RBMS3: variants seen among roughly 807,000 people sequenced by gnomAD.
RBMS3 encodes the protein RNA binding motif single stranded interacting protein 3.
RBMS3 carries 27 observed loss-of-function variants against 66.8 expected under a neutral mutation model. The ratio of observed to expected loss-of-function variants is 0.40; its 90% CI spans 0.30 to 0.56. RBMS3 has a LOEUF of 0.56. Ranked by LOEUF, RBMS3 falls within the 20% of genes least tolerant of loss-of-function variation. The pLI, the probability that RBMS3 is intolerant of heterozygous loss-of-function variation, is 0.40. For synonymous variants in RBMS3, 188 were observed against 183.0 expected, an observed-to-expected ratio of 1.03 and a Z score of -0.22; for missense variants, 513 against 549.5, an observed-to-expected ratio of 0.93 and a Z score of 0.66.
chr3:29,574,963 G>A lies in RBMS3; in HGVS notation c.308-12151G>A, dbSNP rs1312939084. Among the ~76,000 whole-genome samples, 4 of 152,038 alleles carry A rather than the reference G, an allele frequency of 2.6e-5. No homozygotes were observed. In the South Asian group the frequency reaches 6.2e-4, roughly 24 times the overall value. The stretch of plus-strand genomic sequence containing the variant: ...TATTGTACTGTCTGTATCTTGAAAT[G>A]CAATTGTAGTTATTGTTTTTGATTG... On this transcript the variant is annotated intron_variant, in intron 3 of 14. Coordinates refer to ENST00000383767, the MANE Select transcript of RBMS3 (RefSeq NM_001003793.3).
intron 2 of RBMS3, among the ~76,000 whole-genome samples, chr3:29,453,307 C>A (rs1426446660): frequency 6.6e-6 from 1 of 152,086 alleles, no homozygotes; most frequent in Non-Finnish European, 1.5e-5. Flanking sequence ...AAGTAGATAC[C>A]ACTGGATTGG....
chr3:29,396,290 A>T (rs534050878), intron 1 of RBMS3, among the ~76,000 whole-genome samples: 78 of 152,328 alleles, frequency 5.1e-4, no homozygotes, highest in African/African-American at 1.6e-3. Context: ...CTATATTTTT[A>T]AAAAATGTCA....
intron 6 of RBMS3, among the ~76,000 whole-genome samples, chr3:29,770,476 T>C (rs1003200843): frequency 2.0e-5 from 3 of 151,936 alleles, no homozygotes; most frequent in Admixed American, 6.6e-5. Flanking sequence ...TGTCTGGAGT[T>C]TCCATTTGGT....
At chr3:29,687,693 C>A (rs546384009) in intron 4 of RBMS3, among the ~76,000 whole-genome samples, 1 of 152,132 alleles carries the variant, frequency 6.6e-6, no homozygotes, top group Non-Finnish European at 1.5e-5. Context: ...ACAGCAAAAA[C>A]ATTAATTTGA....
chr3:29,739,884 T>C lies in RBMS3; in HGVS notation c.557+7T>C. The C allele has an allele frequency of 6.4e-7, 1 of 1,555,898 alleles. No individual in the cohort carries two copies. Among genetic ancestry groups the C allele is most frequent in the Non-Finnish European group, 8.7e-7 (1 of 1,153,790 alleles). On this transcript the variant is annotated splice_region_variant and intron_variant, in intron 5 of 14. Coordinates refer to ENST00000383767, the MANE Select transcript of RBMS3 (RefSeq NM_001003793.3). Reference sequence around the variant, plus strand: ...GAGGTGTTGGCTTTGCCAGGTAAAATTCTTTCTTTGTATGTAATCGTTCTT... The same window carrying C: ...GAGGTGTTGGCTTTGCCAGGTAAAACTCTTTCTTTGTATGTAATCGTTCTT...
At chr3:29,799,838 A>C (rs910884782) in intron 6 of RBMS3, among the ~76,000 whole-genome samples, 1 of 152,128 alleles carries the variant, frequency 6.6e-6, no homozygotes, top group Non-Finnish European at 1.5e-5. Flanking sequence ...TCCTACAATG[A>C]TGGTATAAAG....
intron 3 of RBMS3, among the ~76,000 whole-genome samples, chr3:29,574,761 C>T (rs1321981455): frequency 6.6e-6 from 1 of 151,334 alleles, no homozygotes; most frequent in Non-Finnish European, 1.5e-5. Context: ...TACAGTGAGG[C>T]TTCCAAATAC....
At chr3:29,857,458 T>C (rs1407708234) in intron 6 of RBMS3, among the ~76,000 whole-genome samples, 1 of 151,268 alleles carries the variant, frequency 6.6e-6, no homozygotes, top group African/African-American at 2.4e-5. Flanking sequence ...CACCTGGGAT[T>C]ATGACTTGGA....
intron 4 of RBMS3, among the ~76,000 whole-genome samples, chr3:29,688,564 ATTTTTTTTTTTTTTTTTTTTTTTT>A (rs55943638): frequency 1.5e-5 from 1 of 67,118 alleles, no homozygotes; most frequent in Admixed American, 2.3e-4. Context: ...AAGTTACAGG[ATTTTTTTTTTTTTTTTTTTTTTTT>A]TTTTTTTTTT....
intron 1 of RBMS3, among the ~76,000 whole-genome samples, chr3:29,386,772 A>G (rs2039028725): frequency 2.0e-5 from 3 of 152,174 alleles, no homozygotes; most frequent in African/African-American, 7.2e-5. Flanking sequence ...GTCTCTACTC[A>G]CTGTTTCCAC....
At chr3:29,863,987 AATGT>A (rs1306343852) in intron 6 of RBMS3, among the ~76,000 whole-genome samples, 4 of 152,180 alleles carry the variant, frequency 2.6e-5, no homozygotes, top group Non-Finnish European at 5.9e-5. Flanking sequence ...GCCTTTTTGG[AATGT>A]AATTATAGAT....
intron 4 of RBMS3, among the ~76,000 whole-genome samples, chr3:29,608,905 C>T (rs561353978): frequency 2.0e-4 from 30 of 152,044 alleles, no homozygotes; most frequent in Non-Finnish European, 2.9e-4. Context: ...CAGAAGTCTT[C>T]TCTTATGTTA....
At position 29,550,111 on chromosome 3, in the gene RBMS3, T is replaced by C. The variant is rs990592163; in HGVS notation, c.308-37003T>C. Among the ~76,000 whole-genome samples the C allele has an allele frequency of 3.9e-5, 6 of 152,230 alleles. No homozygotes were observed. In the East Asian group the frequency reaches 9.6e-4, roughly 24 times the overall value. On this transcript the variant is annotated intron_variant, in intron 3 of 14. Transcript: ENST00000383767. ...TGAAGCTCTCAAATATCTGATCTCA[T>C]TCTTCCTTTCCAACATTAAGCTCCA...
chr3:29,415,232 C>T (rs759238185), intron 1 of RBMS3, among the ~76,000 whole-genome samples: 9 of 152,110 alleles, frequency 5.9e-5, no homozygotes, highest in Non-Finnish European at 1.3e-4. Flanking sequence ...CTGTAGATAC[C>T]GGCAATTTGG....
chr3:29,883,005 C>G (rs1475674321), intron 7 of RBMS3, among the ~76,000 whole-genome samples: 2 of 151,902 alleles, frequency 1.3e-5, no homozygotes, highest in Non-Finnish European at 2.9e-5. Context: ...TTATAGTACA[C>G]TATCAAAGCC....
chr3:29,664,561 T>A (rs537138327), intron 4 of RBMS3, among the ~76,000 whole-genome samples: 1 of 152,158 alleles, frequency 6.6e-6, no homozygotes, highest in East Asian at 1.9e-4. Context: ...CAATGGTTTT[T>A]TATAAATATG....
intron 11 of RBMS3, among the ~76,000 whole-genome samples, chr3:29,939,809 C>T (rs1301382522): frequency 1.3e-5 from 2 of 151,808 alleles, no homozygotes; most frequent in African/African-American, 4.8e-5. Flanking sequence ...AAATCTCAGT[C>T]CCCAATACTA....
intron 3 of RBMS3, among the ~76,000 whole-genome samples, chr3:29,555,967 A>G (rs1170191885): frequency 1.3e-5 from 2 of 152,250 alleles, no homozygotes; most frequent in Admixed American, 6.5e-5. Flanking sequence ...TTGATAAAAT[A>G]TAAGAAAGCT....
chr3:29,874,800 G>C (rs1274648191), intron 7 of RBMS3, among the ~76,000 whole-genome samples: 1 of 152,104 alleles, frequency 6.6e-6, no homozygotes, highest in Admixed American at 6.6e-5. Context: ...TTCTTATTTA[G>C]TTAAGTGTTC....
Sources: gnomAD v4.1 joint callset for allele counts (sites outside exome capture counted in the v4.1 genomes callset) on GRCh38, gnomAD v4.1.1 for gene constraint, MANE v1.5 for transcripts, NCBI Gene and HGNC (gene_info 2026-07-23, HGNC 2026-07-21) for gene names.